Variants in MYO9B observed in about 807,000 individuals in gnomAD.
MYO9B encodes the protein unconventional myosin-IXb.
MYO9B carries 71 observed loss-of-function variants against 229.5 expected under a neutral mutation model. The ratio of observed to expected loss-of-function variants is 0.31; its 90% CI spans 0.26 to 0.38. The LOEUF is 0.38. MYO9B is among the 10% of genes least tolerant of loss of function. The probability of loss-of-function intolerance (pLI) is 1.00; values close to 1 mark genes in which losing one functional copy is unlikely to be tolerated. For synonymous variants in MYO9B, 1,185 were observed against 1,235.8 expected, an observed-to-expected ratio of 0.96 and a Z score of 0.86; for missense variants, 2,255 against 2,920.5, an observed-to-expected ratio of 0.77 and a Z score of 5.25.
intron 1 of MYO9B, chr19:17,099,037 G>A (rs1252438499): frequency 6.6e-6 from 1 of 151,208 alleles, no homozygotes; most frequent in Non-Finnish European, 1.5e-5. Flanking sequence ...AGCACTTTGG[G>A]AAGCCGAAGT....
chr19:17,173,006 A>AG, intron 13 of MYO9B, 43 bp downstream of exon 13: 1 of 1,583,216 alleles, frequency 6.3e-7, no homozygotes, highest in Non-Finnish European at 8.5e-7. Context: ...CACTGTCGAG[A>AG]GGGGGGCACA....
rs1199795643 is a variant in MYO9B at position 17,175,667 on chromosome 19, G to T, written c.2145G>T (p.Met715Ile). The T allele has an allele frequency of 3.2e-6, 5 of 1,572,746 alleles. No homozygotes were observed. Among genetic ancestry groups the T allele is most frequent in the Non-Finnish European group, 4.3e-6 (5 of 1,159,706 alleles). ...RAERAEKAAG[M>I]SSPGAQSHPE... ...TCCACTCTGTGTCTCCGGCAGGTATGAGCAGCCCTGGTGCCCAAAGTCACC... is the reference window on the plus strand; with the variant it reads ...TCCACTCTGTGTCTCCGGCAGGTATTAGCAGCCCTGGTGCCCAAAGTCACC... Residue 715 changes from methionine to isoleucine, a missense_variant, in exon 14 of 40, where the codon ATG (methionine) becomes ATT (isoleucine). Around this residue, in one of 7 missense-constraint regions of MYO9B, gnomAD observed 155 missense variants for 159.1 expected, o/e 0.97. Coordinates refer to ENST00000682292, the MANE Select transcript of MYO9B (RefSeq NM_004145.4).
At chr19:17,130,619 CAA>C (rs879710104) in intron 2 of MYO9B, among the ~76,000 whole-genome samples, 8 of 110,314 alleles carry the variant, frequency 7.3e-5, no homozygotes, top group African/African-American at 1.0e-4. Context: ...GACTCCGTCT[CAA>C]AAAAAAAAAA....
rs754316617 is a variant in MYO9B at position 17,212,149 on chromosome 19, G to A, written c.6313G>A (p.Asp2105Asn). The A allele has an allele frequency of 6.3e-7, 1 of 1,587,900 alleles. No homozygotes were observed. The highest frequency in any genetic ancestry group is 1.1e-5 in the South Asian group (1 of 88,248). The stretch of plus-strand genomic sequence containing the variant: ...CCGGGAGCCACCTGCCCGCCGCCCG[G>A]ACCAGATACATTCCGTGTACATCAC... ...RRREPPARRP[D>N]QIHSVYITPG... Residue 2105 changes from aspartate (D) to asparagine (N), a missense_variant, in exon 40 of 40, where the codon GAC becomes AAC. Physicochemically the swap from Asp to Asn is conservative, Grantham distance 23 (BLOSUM62 1). This residue lies in a region of MYO9B where 331 missense variants were observed against 332.5 expected (regional missense o/e 1.00). Transcript: ENST00000682292. The surrounding 1 kb of genome is among the most constrained non-coding windows in gnomAD (Gnocchi z 5.4).
intron 2 of MYO9B, among the ~76,000 whole-genome samples, chr19:17,124,222 G>A (rs951287657): frequency 2.6e-5 from 4 of 152,072 alleles, no homozygotes; most frequent in African/African-American, 7.2e-5. Context: ...GTCAGGTGTG[G>A]TGGTACACAC....
chr19:17,206,225 G>GTGGGCCCCCCCCC, intron 32 of MYO9B, 23 bp from the exon 33 acceptor site: 7 of 1,564,642 alleles, frequency 4.5e-6, no homozygotes, highest in Non-Finnish European at 5.2e-6. Context: ...CCGCTCACCA[G>GTGGGCCCCCCCCC]ACCCACCCCA....
At chr19:17,092,232 A>G (rs1320876421) in intron 1 of MYO9B, among the ~76,000 whole-genome samples, 2 of 152,208 alleles carry the variant, frequency 1.3e-5, no homozygotes, top group Non-Finnish European at 2.9e-5. Context: ...TGCGTCGCCT[A>G]CATCCAGGCA....
At position 17,145,457 on chromosome 19, in the gene MYO9B, C is replaced by G; in HGVS notation, c.901C>G (p.Gln301Glu). 1 of 1,613,942 alleles carries G rather than the reference C, an allele frequency of 6.2e-7. No homozygotes were observed. The highest frequency in any genetic ancestry group is 8.5e-7 in the Non-Finnish European group (1 of 1,179,880). The change falls in exon 3 of 40, where the codon CAA becomes GAA. Residue 301 changes from glutamine to glutamate, a missense_variant. Physicochemically the swap from Gln to Glu is conservative, Grantham distance 29 (BLOSUM62 2). Transcript: ENST00000682292. ...CTCCAGCCGGTTTGGGAAATTCATCCAAGTCAGCTACCTAGAGAGTGGCAT... is the reference window on the plus strand; with the variant it reads ...CTCCAGCCGGTTTGGGAAATTCATCGAAGTCAGCTACCTAGAGAGTGGCAT... ...NNSSRFGKFI[Q>E]VSYLESGIVR...
rs1170948972 is a variant in MYO9B, at chr19:17,151,992, A to C, written c.936-652A>C. 2.6e-5 allele frequency among the ~76,000 whole-genome samples: 4 copies of C among 152,158 alleles called. No homozygotes were observed. The East Asian group carries it at 7.7e-4, about 29-fold the overall frequency. On this transcript the variant is annotated intron_variant, in intron 3 of 39. Coordinates refer to ENST00000682292, the MANE Select transcript of MYO9B (RefSeq NM_004145.4). ...CACCTGAGGTCAGGAGTTCGAGACCAGCCTGACCAACATGGAGAAACCCCG... is the reference window on the plus strand; with the variant it reads ...CACCTGAGGTCAGGAGTTCGAGACCCGCCTGACCAACATGGAGAAACCCCG...
Position 17,081,853 on chromosome 19 carries a change from C to T in MYO9B, c.-59+5979C>T, listed in dbSNP as rs1025220127. On this transcript the variant is annotated intron_variant, in intron 1 of 39. Coordinates refer to ENST00000682292, the MANE Select transcript of MYO9B (RefSeq NM_004145.4). ...AAAGAGGCGAGGACCCAGCCCAGGG[C>T]GGAGTGGGTCCCATGGGATTTTACA... Among the ~76,000 whole-genome samples the T allele has an allele frequency of 2.0e-5, 3 of 146,896 alleles. No homozygotes were observed. The Admixed American group carries it at 2.0e-4, about 10-fold the overall frequency.
At chr19:17,093,469 G>A (rs984942150) in intron 1 of MYO9B, among the ~76,000 whole-genome samples, 2 of 152,098 alleles carry the variant, frequency 1.3e-5, no homozygotes, top group African/African-American at 4.8e-5. Context: ...ATTAACTCTC[G>A]TGGCGTCCTG....
At chr19:17,158,964 C>A (rs1459804143) in intron 7 of MYO9B, among the ~76,000 whole-genome samples, 4 of 152,220 alleles carry the variant, frequency 2.6e-5, no homozygotes, top group Non-Finnish European at 5.9e-5. Flanking sequence ...GAGGCCCAGG[C>A]AGGCAGATCG....
At chr19:17,100,736 G>A (rs1219454293) in intron 1 of MYO9B, among the ~76,000 whole-genome samples, 1 of 152,114 alleles carries the variant, frequency 6.6e-6, no homozygotes, top group Non-Finnish European at 1.5e-5. Context: ...GGGCCTGCCT[G>A]ATGTTCTTCT....
chr19:17,160,510 CTT>C (rs34857957), intron 8 of MYO9B, among the ~76,000 whole-genome samples: 66 of 128,116 alleles, frequency 5.2e-4, no homozygotes, highest in South Asian at 7.3e-4. Flanking sequence ...TCTTTTTTTT[CTT>C]TTTTTTTTTT....
At chr19:17,177,939 C>G (rs920408552) in intron 14 of MYO9B, 4 of 152,504 alleles carry the variant, frequency 2.6e-5, no homozygotes, top group African/African-American at 9.7e-5. Flanking sequence ...CCAAGGGGAG[C>G]CATCTTCCCC....
At position 17,168,702 on chromosome 19, in the gene MYO9B, C is replaced by T. The variant is rs944168207; in HGVS notation, c.1793+638C>T. ...GCCCCAGCTACTCAGGAGGCTGAGA[C>T]AGGAGGATCACTTGAGCCTGGGAGG... On this transcript the variant is annotated intron_variant, in intron 11 of 39. Coordinates refer to ENST00000682292, the MANE Select transcript of MYO9B (RefSeq NM_004145.4). 2.0e-5 allele frequency among the ~76,000 whole-genome samples: 3 copies of T among 152,178 alleles called. No homozygotes were observed. In the East Asian group the frequency reaches 5.8e-4, roughly 29 times the overall value.
intron 3 of MYO9B, among the ~76,000 whole-genome samples, chr19:17,148,578 C>T (rs1170952652): frequency 2.6e-5 from 4 of 152,082 alleles, no homozygotes; most frequent in East Asian, 1.9e-4. Context: ...TGTGTCTCTC[C>T]TCTTTTTATT....
intron 2 of MYO9B, among the ~76,000 whole-genome samples, chr19:17,135,638 G>A (rs1041304311): frequency 2.6e-5 from 4 of 152,184 alleles, no homozygotes; most frequent in Non-Finnish European, 2.9e-5. Context: ...TGCTGAGACC[G>A]CATACCAGAC....
rs769082303 is a variant in MYO9B at position 17,126,905 on chromosome 19, A to AC, written c.841-18487dup. 3.0e-3 allele frequency among the ~76,000 whole-genome samples: 304 copies of AC among 101,482 alleles called. 1 individual carries two copies. Among genetic ancestry groups the AC allele is most frequent in the African/African-American group, 0.012 (293 of 24,950 alleles). 66.6% of individuals were successfully genotyped at this position (101,482 alleles called of 152,430 possible). A position where few individuals can be genotyped will look rare whatever the true frequency, so the allele number is the denominator to read the frequency against. On this transcript the variant is annotated intron_variant, in intron 2 of 39. Coordinates refer to ENST00000682292, the MANE Select transcript of MYO9B (RefSeq NM_004145.4). ...TCTCGAACTCCTGACCTTGTGATCCACCCCCACCCCCACCCCCACCCCCCA... is the reference window on the plus strand; with the variant it reads ...TCTCGAACTCCTGACCTTGTGATCCACCCCCCACCCCCACCCCCACCCCCCA...
Sources: allele counts gnomAD v4.1 joint callset (sites outside exome capture counted in the v4.1 genomes callset), GRCh38; gene constraint gnomAD v4.1.1; regional missense constraint gnomAD v4.1.1; non-coding constraint Gnocchi (gnomAD v3.1); transcripts MANE v1.5; gene names NCBI Gene and HGNC (gene_info 2026-07-23, HGNC 2026-07-21).